The following SEC16A variants were observed in gnomAD, a reference collection of about 807,000 sequenced individuals.
The protein encoded by SEC16A is protein transport protein Sec16A.
SEC16A carries 110 observed loss-of-function variants against 221.9 expected under a neutral mutation model. That is an observed-to-expected ratio of 0.50 (90% CI 0.42 to 0.58). SEC16A has a LOEUF of 0.58. SEC16A is among the 20% of genes least tolerant of loss of function. The pLI is 0.00. For synonymous variants in SEC16A, 1,393 were observed against 1,257.7 expected (o/e 1.11, Z -2.28); for missense variants, 3,165 against 3,097.8 (o/e 1.02, Z -0.52).
intron 4 of SEC16A, 111 bp from the exon 5 acceptor site, chr9:136,468,623 T>A (rs144804988): frequency 3.0e-6 from 2 of 655,888 alleles, no homozygotes; most frequent in African/African-American, 1.8e-5. Context: ...AGCACTTTGG[T>A]TGTACAAAAA....
At position 136,475,834 on chromosome 9, in the gene SEC16A, C is replaced by T. The variant is rs1233982482; in HGVS notation, c.1782G>A (p.Pro594=). 1.1e-5 allele frequency: 17 copies of T among 1,583,560 alleles called. No homozygotes were observed. Among genetic ancestry groups the T allele is most frequent in the Non-Finnish European group, 1.5e-5 (17 of 1,164,550 alleles). The change falls in exon 3 of 32, where the codon CCG becomes CCA. Residue 594 remains proline, a synonymous_variant. Transcript: ENST00000684901. The surrounding 1 kb of genome is among the most constrained non-coding windows in gnomAD (Gnocchi z 5.0). The part of the protein sequence containing the change: ...YRGSVSQPST[P]SPPKPTGIFQ... Reference sequence around the variant, plus strand: ...ATATTCCTGTAGGTTTCGGGGGGCTCGGGGTTGAGGGCTGGGACACGCTGC... The same window carrying T: ...ATATTCCTGTAGGTTTCGGGGGGCTTGGGGTTGAGGGCTGGGACACGCTGC...
chr9:136,445,591 T>G, intron 29 of SEC16A, 54 bp downstream of exon 29: 549 of 1,341,062 alleles, frequency 4.1e-4, no homozygotes, highest in Non-Finnish European at 5.2e-4. Flanking sequence ...GCCTGGACAG[T>G]GAGCTGCTGG....
rs1463331220 is a variant in SEC16A, at chr9:136,447,836, C to A, written c.6447+17G>T. 2 of 1,605,762 alleles carry A rather than the reference C, an allele frequency of 1.2e-6. No homozygotes were observed. The highest frequency in any genetic ancestry group is 1.7e-5 in the Admixed American group (1 of 58,652). The stretch of plus-strand genomic sequence containing the variant: ...ACTCACACCTCACACCCAACAGGAA[C>A]TAGAATGACAATTTACCTCCTCTTC... On this transcript the variant is annotated intron_variant, in intron 25 of 31. Transcript: ENST00000684901. This position sits in a 1 kb window ranked among gnomAD's most constrained non-coding sequence, Gnocchi z 5.5.
chr9:136,459,305 A>G lies in SEC16A; in HGVS notation c.5304-66T>C, dbSNP rs1243028880. On this transcript the variant is annotated intron_variant, in intron 16 of 31. Coordinates refer to ENST00000684901, the MANE Select transcript of SEC16A (RefSeq NM_014866.2). The surrounding 1 kb of genome is among the most constrained non-coding windows in gnomAD (Gnocchi z 6.1). ...CAATTATTGGCATAGTCAACCTTGG[A>G]GCAAATCATCCAGAAGTGTGTCCCA... 5.0e-5 allele frequency: 75 copies of G among 1,513,198 alleles called. No homozygotes were observed. The highest frequency in any genetic ancestry group is 6.7e-5 in the Non-Finnish European group (73 of 1,093,396). 93.7% of individuals were successfully genotyped at this position (1,513,198 alleles called of 1,614,324 possible).
rs1836088566 is a variant in SEC16A, at chr9:136,440,622, A to G, written c.*1133T>C. ...AGTCAGAGAAGCCTTAAAGCTTTGCATCAGTGAGAGGAGGCCCGTCTCTGA... is the reference window on the plus strand; with the variant it reads ...AGTCAGAGAAGCCTTAAAGCTTTGCGTCAGTGAGAGGAGGCCCGTCTCTGA... On this transcript the variant is annotated 3_prime_UTR_variant, in exon 32 of 32. Transcript: ENST00000684901. 6.5e-6 allele frequency: 1 copy of G among 152,744 alleles called. No individual in the cohort carries two copies. The highest frequency in any genetic ancestry group is 6.5e-5 in the Admixed American group (1 of 15,306). The allele number at this position is 152,744 out of a possible 1,614,324, so 9.5% of individuals were successfully genotyped here.
chr9:136,454,618 G>A (rs1236066776), intron 20 of SEC16A, among the ~76,000 whole-genome samples: 2 of 152,128 alleles, frequency 1.3e-5, no homozygotes, highest in Non-Finnish European at 2.9e-5. Context: ...CGGCCGCCTG[G>A]CACAGAGCTC....
intron 23 of SEC16A, 78 bp from the exon 24 acceptor site, chr9:136,448,239 A>G (rs1485795336): frequency 2.4e-6 from 3 of 1,227,460 alleles, no homozygotes; most frequent in Non-Finnish European, 3.5e-6. Flanking sequence ...GACAAATTCT[A>G]CATGACCCAC....
chr9:136,459,043 T>A lies in SEC16A; in HGVS notation c.5409+91A>T. ...AAAAAACTCACATCATTTTTTTCGA[T>A]ACCAATTCAAACAATCTAAGTAGCC... On this transcript the variant is annotated intron_variant, in intron 17 of 31. Transcript: ENST00000684901. The surrounding 1 kb of genome is among the most constrained non-coding windows in gnomAD (Gnocchi z 6.1). 5 of 831,088 alleles carry A rather than the reference T, an allele frequency of 6.0e-6. No individual in the cohort carries two copies. Among genetic ancestry groups the A allele is most frequent in the Non-Finnish European group, 9.2e-6 (5 of 545,380 alleles). 51.5% of individuals were successfully genotyped at this position (831,088 alleles called of 1,614,324 possible). A position where few individuals can be genotyped will look rare whatever the true frequency, so the allele number is the denominator to read the frequency against.
intron 9 of SEC16A, 135 bp downstream of exon 9, chr9:136,464,285 A>C: frequency 1.2e-6 from 1 of 858,324 alleles, no homozygotes. Context: ...ACAAATTGAA[A>C]ATTCACAGGA....
intron 21 of SEC16A, among the ~76,000 whole-genome samples, chr9:136,453,898 G>A (rs1468475319): frequency 6.6e-6 from 1 of 152,204 alleles, no homozygotes; most frequent in Non-Finnish European, 1.5e-5. Context: ...ACAACAAAAA[G>A]CCAAGTTACA....
At position 136,463,140 on chromosome 9, in the gene SEC16A, G is replaced by A; in HGVS notation, c.4648-8C>T. The A allele has an allele frequency of 6.2e-7, 1 of 1,607,680 alleles. No individual in the cohort carries two copies. Among genetic ancestry groups the A allele is most frequent in the South Asian group, 1.1e-5 (1 of 91,060 alleles). On this transcript the variant is annotated splice_polypyrimidine_tract_variant and splice_region_variant and intron_variant, in intron 11 of 31. Transcript: ENST00000684901. The stretch of plus-strand genomic sequence containing the variant: ...GTCGGTCCCTACCACGGTCTGTTTG[G>A]GTCAACAGGAACAGGAAGGAGAACA...
chr9:136,443,859 C>T lies in SEC16A; in HGVS notation c.6969G>A (p.Gly2323=). ...GAGCAGGGTTGTAGAAGGGCATGGC[C>T]CCGCTGGGAGGGCCCCCTGCAGCAG... The part of the protein sequence containing the change: ...DLPAAGGPPS[G]AMPFYNPAQL... The change falls in exon 31 of 32, where the codon GGG becomes GGA. Residue 2323 remains glycine, a synonymous_variant. Transcript: ENST00000684901. 1 of 1,611,664 alleles carries T rather than the reference C, an allele frequency of 6.2e-7. No individual in the cohort carries two copies. Among genetic ancestry groups the T allele is most frequent in the Non-Finnish European group, 8.5e-7 (1 of 1,178,990 alleles).
At position 136,463,045 on chromosome 9, in the gene SEC16A, G is replaced by A. The variant is rs1415859616; in HGVS notation, c.4735C>T (p.Leu1579=). ...LPGKSPNEAN[L]IDFTNEAVEQ... Reference sequence around the variant, plus strand: ...ACTGCCTCATTCGTGAAATCAATCAGGTTTGCTTCATTGGGCGACTTCCCA... The same window carrying A: ...ACTGCCTCATTCGTGAAATCAATCAAGTTTGCTTCATTGGGCGACTTCCCA... The change falls in exon 12 of 32, where the codon CTG becomes TTG. Residue 1579 remains leucine, a synonymous_variant. Transcript: ENST00000684901. 3 of 1,612,570 alleles carry A rather than the reference G, an allele frequency of 1.9e-6. No individual in the cohort carries two copies. Among genetic ancestry groups the A allele is most frequent in the Non-Finnish European group, 2.5e-6 (3 of 1,179,894 alleles).
At chr9:136,463,441 C>G in intron 11 of SEC16A, 22 bp downstream of exon 11, 1 of 1,610,060 alleles carries the variant, frequency 6.2e-7, no homozygotes, top group Non-Finnish European at 8.5e-7. Flanking sequence ...AAGAAACACT[C>G]TAGAAGTAGA....
At chr9:136,454,963 G>T (rs1392697466) in intron 20 of SEC16A, among the ~76,000 whole-genome samples, 1 of 152,208 alleles carries the variant, frequency 6.6e-6, no homozygotes, top group African/African-American at 2.4e-5. Context: ...ATGGCACGAG[G>T]GCAGGAGGGC....
chr9:136,466,522 G>A lies in SEC16A; in HGVS notation c.3930-60C>T. ...GGAGTGCCGGAGGCCCCGTCCCCAT[G>A]TGCCACGCAGCTGCCCAGGAGCTGA... On this transcript the variant is annotated intron_variant, in intron 6 of 31. Transcript: ENST00000684901. The surrounding 1 kb of genome is among the most constrained non-coding windows in gnomAD (Gnocchi z 5.5). 6.8e-7 allele frequency: 1 copy of A among 1,474,744 alleles called. No homozygotes were observed. The highest frequency in any genetic ancestry group is 9.1e-7 in the Non-Finnish European group (1 of 1,096,528). 91.4% of individuals were successfully genotyped at this position (1,474,744 alleles called of 1,614,324 possible). A position where few individuals can be genotyped will look rare whatever the true frequency, so the allele number is the denominator to read the frequency against.
chr9:136,483,317 A>G (rs1589043825), upstream of SEC16A, among the ~76,000 whole-genome samples: 1 of 88,986 alleles, frequency 1.1e-5, no homozygotes. Flanking sequence ...CTTATCCTGT[A>G]GTTCCCGCTC....
At position 136,474,321 on chromosome 9, in the gene SEC16A, ACTGTGCTGAGTTCTGGGCCTGTCC is replaced by A; in HGVS notation, c.3271_3294del (p.Gly1091_Gln1098del). ...TCGACCAGAACCAGACTTGCTGGTG[ACTGTGCTGAGTTCTGGGCCTGTCC>A]CTGTGCGGGCAGACTTTCTGGATTT... On this transcript the variant is annotated inframe_deletion, in exon 3 of 32. Coordinates refer to ENST00000684901, the MANE Select transcript of SEC16A (RefSeq NM_014866.2). 1 of 1,611,902 alleles carries A rather than the reference ACTGTGCTGAGTTCTGGGCCTGTCC, an allele frequency of 6.2e-7. No individual in the cohort carries two copies. The highest frequency in any genetic ancestry group is 1.1e-5 in the South Asian group (1 of 90,896).
At position 136,460,025 on chromosome 9, in the gene SEC16A, C is replaced by A; in HGVS notation, c.5073+17G>T. The A allele has an allele frequency of 4.4e-6, 7 of 1,593,276 alleles. No individual in the cohort carries two copies. Among genetic ancestry groups the A allele is most frequent in the Non-Finnish European group, 5.1e-6 (6 of 1,169,352 alleles). On this transcript the variant is annotated intron_variant, in intron 14 of 31. Transcript: ENST00000684901. ...AGGCAGTGGAGCCTGTGCAAGCCAC[C>A]AGGCAGTGCCACTCACCGTGGACGC...
Sources: gnomAD v4.1 joint callset for allele counts (sites outside exome capture counted in the v4.1 genomes callset) on GRCh38, gnomAD v4.1.1 for gene constraint, Gnocchi (gnomAD v3.1) non-coding constraint, MANE v1.5 for transcripts, NCBI Gene and HGNC (gene_info 2026-07-23, HGNC 2026-07-21) for gene names.